HEATR4: variants seen among roughly 807,000 people sequenced by gnomAD.
The protein encoded by HEATR4 is HEAT repeat-containing protein 4.
HEATR4 carries 95 observed loss-of-function variants against 108.8 expected under a neutral mutation model. That is an observed-to-expected ratio of 0.87 (90% CI 0.74 to 1.04). HEATR4 has a LOEUF of 1.04. Among genes scored for constraint, HEATR4 ranks in the 50% least tolerant of loss-of-function variants. The pLI, the probability that HEATR4 is intolerant of heterozygous loss-of-function variation, is 0.00. For synonymous variants in HEATR4, 443 were observed against 459.4 expected (o/e 0.96, Z 0.46); for missense variants, 1,152 against 1,253.8 (o/e 0.92, Z 1.23).
chr14:73,552,002 C>T (rs1262156833), intron 1 of HEATR4, among the ~76,000 whole-genome samples: 1 of 112,738 alleles, frequency 8.9e-6, no homozygotes, highest in African/African-American at 2.9e-5. Flanking sequence ...GAGAAAGAGG[C>T]GAGCCTATAA....
the HEATR4 span, chr14:73,619,892 G>C: frequency 6.8e-7 from 1 of 1,462,374 alleles, no homozygotes; most frequent in Non-Finnish European, 9.0e-7. Context: ...CATACAACTT[G>C]TGTTGGGTTT....
chr14:73,588,682 A>G, the HEATR4 span, among the ~76,000 whole-genome samples: 1 of 152,218 alleles, frequency 6.6e-6, no homozygotes, highest in Non-Finnish European at 1.5e-5. Flanking sequence ...TTAATGGCAG[A>G]GAAGACAGAA....
At chr14:73,613,097 C>A in the HEATR4 span, 1 of 533,980 alleles carries the variant, frequency 1.9e-6, no homozygotes, top group Non-Finnish European at 3.2e-6. Flanking sequence ...TCCTGGGAAT[C>A]GCGTGATTGT....
chr14:73,559,230 T>G (rs1889466045), upstream of HEATR4, among the ~76,000 whole-genome samples: 1 of 151,614 alleles, frequency 6.6e-6, no homozygotes, highest in African/African-American at 2.4e-5. Context: ...GCCTCCCAGG[T>G]TCAAGCAATT....
rs1022686389 is a variant in HEATR4, at chr14:73,509,560, A to G, written c.1559-87T>C. ...CCTTCCTACAGCCATGTGGTGGCCAACCTCAGTCCCAGCTGCAGTTGCTTA... is the reference window on the plus strand; with the variant it reads ...CCTTCCTACAGCCATGTGGTGGCCAGCCTCAGTCCCAGCTGCAGTTGCTTA... On this transcript the variant is annotated intron_variant, in intron 7 of 17. Coordinates refer to ENST00000553558, the MANE Select transcript of HEATR4 (RefSeq NM_001220484.1). 30 of 1,371,020 alleles carry G rather than the reference A, an allele frequency of 2.2e-5. No homozygotes were observed. The Admixed American group carries it at 5.2e-4, about 24-fold the overall frequency. The allele number at this position is 1,371,020 out of a possible 1,614,324, so 84.9% of individuals were successfully genotyped here.
chr14:73,480,262 T>C (rs1885196474), intron 17 of HEATR4, among the ~76,000 whole-genome samples: 1 of 151,926 alleles, frequency 6.6e-6, no homozygotes, highest in Non-Finnish European at 1.5e-5. Context: ...GCCAACATGG[T>C]GAAACCCCAT....
chr14:73,619,452 GGA>G, the HEATR4 span: 1 of 1,614,154 alleles, frequency 6.2e-7, no homozygotes, highest in East Asian at 2.2e-5. Context: ...TCACTTTTAT[GGA>G]CACTTGGAGC....
the HEATR4 span, chr14:73,569,003 G>A: frequency 7.3e-6 from 4 of 545,282 alleles, no homozygotes; most frequent in Admixed American, 3.3e-5. Flanking sequence ...CTAGCTGCCT[G>A]GTTCTTTAAG....
the HEATR4 span, chr14:73,595,842 T>C: frequency 1.7e-6 from 1 of 593,620 alleles, no homozygotes; most frequent in Middle Eastern, 5.0e-4. Flanking sequence ...TTGTAGAAGA[T>C]TAAGAGGCAT....
At chr14:73,595,804 C>T in the HEATR4 span, 3 of 1,004,090 alleles carry the variant, frequency 3.0e-6, no homozygotes, top group Non-Finnish European at 4.1e-6. Context: ...TAAGCTTTGT[C>T]GTTAGTTTTA....
the HEATR4 span, chr14:73,592,246 G>A: frequency 6.2e-7 from 1 of 1,613,300 alleles, no homozygotes; most frequent in Non-Finnish European, 8.5e-7. Flanking sequence ...TTCCTGAAGC[G>A]GGACGTACAG....
the HEATR4 span, among the ~76,000 whole-genome samples, chr14:73,631,272 A>C: frequency 6.6e-6 from 1 of 151,964 alleles, no homozygotes; most frequent in East Asian, 1.9e-4. Context: ...AAGATAGAAT[A>C]GTAGAAAACA....
chr14:73,548,950 CT>C lies in HEATR4; in HGVS notation c.-152+9800del, dbSNP rs529991322. On this transcript the variant is annotated intron_variant, in intron 1 of 17. Coordinates refer to ENST00000553558, the MANE Select transcript of HEATR4 (RefSeq NM_001220484.1). ...GCCTCACATCTTTCTCTCTCTCTCTCTTTTTTTTTTTTCTGGTGGTGAGGAC... is the reference window on the plus strand; with the variant it reads ...GCCTCACATCTTTCTCTCTCTCTCTCTTTTTTTTTTTCTGGTGGTGAGGAC... Among the ~76,000 whole-genome samples the C allele has an allele frequency of 6.6e-4, 69 of 104,786 alleles. 7 individuals are homozygous for C. The South Asian group carries it at 8.6e-3, about 13-fold the overall frequency. The allele number at this position is 104,786 out of a possible 152,430, so 68.7% of individuals were successfully genotyped here.
the HEATR4 span, among the ~76,000 whole-genome samples, chr14:73,579,340 G>A: frequency 1.3e-5 from 2 of 149,066 alleles, no homozygotes; most frequent in African/African-American, 2.5e-5. Flanking sequence ...TCTTTGAGAG[G>A]CCAAGGCGAG....
At chr14:73,498,043 A>C in intron 14 of HEATR4, 112 bp downstream of exon 14, 2 of 954,424 alleles carry the variant, frequency 2.1e-6, no homozygotes, top group Non-Finnish European at 3.1e-6. Flanking sequence ...CAGGTGAACC[A>C]GTGCTTTTAC....
At chr14:73,569,126 T>C in the HEATR4 span, 1 of 1,243,986 alleles carries the variant, frequency 8.0e-7, no homozygotes, top group African/African-American at 1.5e-5. Context: ...TTTAAGCAAG[T>C]TCCAGTGTGT....
the HEATR4 span, among the ~76,000 whole-genome samples, chr14:73,583,625 T>A: frequency 1.3e-5 from 2 of 152,040 alleles, no homozygotes; most frequent in Non-Finnish European, 2.9e-5. Context: ...AATCTCCTGA[T>A]GATCCACAGC....
the HEATR4 span, among the ~76,000 whole-genome samples, chr14:73,610,384 G>A: frequency 2.0e-5 from 3 of 146,822 alleles, no homozygotes; most frequent in Non-Finnish European, 4.5e-5. Flanking sequence ...ACCACCTCCC[G>A]GGTTCAAGCA....
chr14:73,493,824 C>G (rs1243122746), intron 16 of HEATR4, among the ~76,000 whole-genome samples: 1 of 152,138 alleles, frequency 6.6e-6, no homozygotes, highest in Admixed American at 6.6e-5. Context: ...GGCAACAGAG[C>G]GAGACTCCGT....
Sources: gnomAD v4.1 joint callset for allele counts (sites outside exome capture counted in the v4.1 genomes callset) on GRCh38, gnomAD v4.1.1 for gene constraint, MANE v1.5 for transcripts, NCBI Gene and HGNC (gene_info 2026-07-23, HGNC 2026-07-21) for gene names.